Variants in LRRC4C observed in about 807,000 individuals in gnomAD.
LRRC4C encodes leucine rich repeat containing 4C.
Under a neutral mutation model 33.6 loss-of-function variants are expected in LRRC4C, and 5 were observed. That is an observed-to-expected ratio of 0.15 (90% confidence interval 0.08 to 0.31). The LOEUF (loss-of-function observed/expected upper bound fraction) is 0.31. LRRC4C is among the 10% of genes least tolerant of loss of function. The probability of loss-of-function intolerance (pLI) is 1.00; values close to 1 mark genes in which losing one functional copy is unlikely to be tolerated. For synonymous variants in LRRC4C, 329 were observed against 302.0 expected (o/e 1.09, Z -0.93); for missense variants, 560 against 796.7 (o/e 0.70, Z 3.58).
chr11:41,037,518 T>C (rs1325119759), intron 1 of LRRC4C, among the ~76,000 whole-genome samples: 2 of 151,898 alleles, frequency 1.3e-5, no homozygotes, highest in Non-Finnish European at 2.9e-5. Flanking sequence ...ATTTTCTTTA[T>C]GTGTTTTTGG....
intron 4 of LRRC4C, among the ~76,000 whole-genome samples, chr11:40,288,357 C>A (rs1202670235): frequency 6.6e-6 from 1 of 152,254 alleles, no homozygotes; most frequent in East Asian, 1.9e-4. Context: ...AATGCTTTTG[C>A]AATATTCACA....
intron 1 of LRRC4C, among the ~76,000 whole-genome samples, chr11:41,041,670 C>G (rs1857448458): frequency 1.3e-5 from 2 of 152,118 alleles, no homozygotes; most frequent in Admixed American, 1.3e-4. Context: ...CACTCATACA[C>G]ATATATAAAC....
chr11:41,039,067 CT>C (rs1293484589), intron 1 of LRRC4C, among the ~76,000 whole-genome samples: 1 of 152,146 alleles, frequency 6.6e-6, no homozygotes, highest in African/African-American at 2.4e-5. Flanking sequence ...AGTTTGAGAT[CT>C]TACATTTAAA....
chr11:40,433,556 A>T (rs978264799), intron 3 of LRRC4C, among the ~76,000 whole-genome samples: 2 of 152,168 alleles, frequency 1.3e-5, no homozygotes, highest in Non-Finnish European at 2.9e-5. Flanking sequence ...AAGGAAAAAA[A>T]ATTAGATAGT....
intron 1 of LRRC4C, among the ~76,000 whole-genome samples, chr11:41,012,907 G>T (rs1400127835): frequency 6.6e-6 from 1 of 152,124 alleles, no homozygotes; most frequent in Non-Finnish European, 1.5e-5. Flanking sequence ...TGTCTATTCA[G>T]ACCTTTTGCC....
chr11:40,357,855 C>T (rs1423771619), intron 3 of LRRC4C, among the ~76,000 whole-genome samples: 1 of 152,076 alleles, frequency 6.6e-6, no homozygotes, highest in Non-Finnish European at 1.5e-5. Context: ...TAAAAGGGAT[C>T]TTAACTCAAA....
At chr11:41,112,976 G>A (rs1013018670) in intron 1 of LRRC4C, among the ~76,000 whole-genome samples, 1 of 152,030 alleles carries the variant, frequency 6.6e-6, no homozygotes, top group Non-Finnish European at 1.5e-5. Flanking sequence ...TGGGTTAAAG[G>A]ATACAAACAC....
intron 1 of LRRC4C, among the ~76,000 whole-genome samples, chr11:40,936,014 TTATATA>T (rs56879078): frequency 0.014 from 694 of 49,132 alleles, 18 homozygotes; most frequent in African/African-American, 0.025. Context: ...ATGCCAAATT[TTATATA>T]TATATATATA....
intron 3 of LRRC4C, among the ~76,000 whole-genome samples, chr11:40,539,959 T>C (rs1956635196): frequency 6.6e-6 from 1 of 152,220 alleles, no homozygotes; most frequent in South Asian, 2.1e-4. Context: ...TAGAAGTAAC[T>C]TAAAATTGTA....
At position 40,641,463 on chromosome 11, in the gene LRRC4C, C is replaced by A. The variant is rs1942115455; in HGVS notation, c.-270+6679G>T. On this transcript the variant is annotated intron_variant, in intron 3 of 6. Coordinates refer to ENST00000528697, the MANE Select transcript of LRRC4C (RefSeq NM_001258419.2). ...CATGAAAAGCTTTTCACTCAAAGAGCAAGCCAACGGAATAAAGATCAGAAT... is the reference window on the plus strand; with the variant it reads ...CATGAAAAGCTTTTCACTCAAAGAGAAAGCCAACGGAATAAAGATCAGAAT... 2.0e-5 allele frequency among the ~76,000 whole-genome samples: 3 copies of A among 152,196 alleles called. 1 individual carries two copies. In the South Asian group the frequency reaches 6.2e-4, roughly 32 times the overall value.
intron 3 of LRRC4C, among the ~76,000 whole-genome samples, chr11:40,501,891 T>G (rs1237336235): frequency 1.3e-5 from 2 of 152,244 alleles, no homozygotes; most frequent in Non-Finnish European, 2.9e-5. Flanking sequence ...ATTGTCAGGC[T>G]GCAAAATTTT....
Position 40,985,927 on chromosome 11 carries a change from C to T in LRRC4C, c.-495-52204G>A, listed in dbSNP as rs1852957653. On this transcript the variant is annotated intron_variant, in intron 1 of 6. Coordinates refer to ENST00000528697, the MANE Select transcript of LRRC4C (RefSeq NM_001258419.2). The stretch of plus-strand genomic sequence containing the variant: ...GGGTAAAACAGCATGATAAATTTAA[C>T]CTACTCTCAAGGTATTTAAAAATCA... 3.3e-5 allele frequency among the ~76,000 whole-genome samples: 5 copies of T among 151,954 alleles called. No homozygotes were observed. The South Asian group carries it at 1.0e-3, about 31-fold the overall frequency.
At chr11:40,969,471 A>AG (rs1390172924) in intron 1 of LRRC4C, among the ~76,000 whole-genome samples, 1 of 151,732 alleles carries the variant, frequency 6.6e-6, no homozygotes, top group Non-Finnish European at 1.5e-5. Flanking sequence ...ACAAAAAAAA[A>AG]AAAAACTATT....
chr11:40,225,124 A>T (rs911736637), intron 5 of LRRC4C, among the ~76,000 whole-genome samples: 1 of 152,226 alleles, frequency 6.6e-6, no homozygotes, highest in African/African-American at 2.4e-5. Flanking sequence ...AGACAGTTGA[A>T]GCCACCTAAA....
intron 1 of LRRC4C, among the ~76,000 whole-genome samples, chr11:41,306,537 T>C (rs142949691): frequency 1.2e-3 from 181 of 152,340 alleles, no homozygotes; most frequent in African/African-American, 4.2e-3. Context: ...CTACACACCA[T>C]GTGCTATTCT....
chr11:40,915,767 G>C (rs1417816978), intron 2 of LRRC4C, among the ~76,000 whole-genome samples: 1 of 152,094 alleles, frequency 6.6e-6, no homozygotes, highest in Non-Finnish European at 1.5e-5. Context: ...GCAACCTACA[G>C]AATGGGAGAA....
At chr11:40,419,797 G>T (rs1950457470) in intron 3 of LRRC4C, among the ~76,000 whole-genome samples, 1 of 152,180 alleles carries the variant, frequency 6.6e-6, no homozygotes, top group Admixed American at 6.5e-5. Context: ...TGCCATGAAG[G>T]CCAGATGGGC....
intron 1 of LRRC4C, among the ~76,000 whole-genome samples, chr11:41,455,876 C>T (rs988061772): frequency 1.3e-5 from 2 of 152,134 alleles, no homozygotes; most frequent in African/African-American, 4.8e-5. Flanking sequence ...TCTTCTGATT[C>T]TCAATCCAGA....
intron 1 of LRRC4C, among the ~76,000 whole-genome samples, chr11:41,109,501 C>T (rs1018386118): frequency 2.6e-5 from 4 of 152,058 alleles, no homozygotes; most frequent in African/African-American, 7.2e-5. Flanking sequence ...ATTGCTTTGG[C>T]CCCAGAGCCC....
Sources: gnomAD v4.1 joint callset for allele counts (sites outside exome capture counted in the v4.1 genomes callset) on GRCh38, gnomAD v4.1.1 for gene constraint, MANE v1.5 for transcripts, NCBI Gene and HGNC (gene_info 2026-07-23, HGNC 2026-07-21) for gene names.